Variants in PCDHGA2 observed in about 807,000 individuals in gnomAD.
PCDHGA2 encodes the protein protocadherin gamma subfamily A, 2, also known as protocadherin gamma-A2.
PCDHGA2 carries 40 observed loss-of-function variants against 59.2 expected under a neutral mutation model. That is an observed-to-expected ratio of 0.68 (90% CI 0.52 to 0.88). The LOEUF is 0.88. PCDHGA2 is among the 40% of genes least tolerant of loss of function. The pLI is 0.00. For synonymous variants in PCDHGA2, 560 were observed against 526.0 expected, an observed-to-expected ratio of 1.06 and a Z score of -0.89; for missense variants, 1,226 against 1,204.0, an observed-to-expected ratio of 1.02 and a Z score of -0.27.
chr5:141,451,443 C>A (rs1184838490), intron 1 of PCDHGA2, among the ~76,000 whole-genome samples: 1 of 152,176 alleles, frequency 6.6e-6, no homozygotes, highest in Non-Finnish European at 1.5e-5. Context: ...CAGTTCCTTG[C>A]TGGTTGTTAG....
chr5:141,394,001 G>A (rs766773377), intron 1 of PCDHGA2: 4 of 1,613,340 alleles, frequency 2.5e-6, no homozygotes, highest in Admixed American at 1.7e-5. Context: ...AATTAGAAAA[G>A]TCAATAGGTA....
intron 1 of PCDHGA2, chr5:141,428,255 G>A (rs2097128504): frequency 1.1e-6 from 1 of 875,462 alleles, no homozygotes; most frequent in Non-Finnish European, 1.8e-6. Context: ...CCAGACTTCA[G>A]TGACAGTCCT....
intron 1 of PCDHGA2, among the ~76,000 whole-genome samples, chr5:141,484,306 C>T (rs1009067603): frequency 6.6e-6 from 1 of 152,184 alleles, no homozygotes; most frequent in African/African-American, 2.4e-5. Context: ...GCTTCCTCCA[C>T]CCCGCTTCCA....
intron 1 of PCDHGA2, chr5:141,364,483 C>T: frequency 1.9e-6 from 3 of 1,614,024 alleles, no homozygotes; most frequent in Non-Finnish European, 2.5e-6. Context: ...TAGCCAAGGA[C>T]CTTGGGCTGG....
At chr5:141,372,559 C>T in intron 1 of PCDHGA2, 1 of 1,614,048 alleles carries the variant, frequency 6.2e-7, no homozygotes, top group Non-Finnish European at 8.5e-7. Context: ...TCCAGACCCG[C>T]CACTGAGGGC....
At chr5:141,388,628 G>C (rs752578230) in intron 1 of PCDHGA2, 1 of 1,613,780 alleles carries the variant, frequency 6.2e-7, no homozygotes, top group African/African-American at 1.3e-5. Context: ...ACGTATACAG[G>C]GTGAGCCTTT....
At chr5:141,389,577 C>A in intron 1 of PCDHGA2, 1 of 1,613,244 alleles carries the variant, frequency 6.2e-7, no homozygotes. Context: ...GTACCCCGCG[C>A]TGGGTCCCGA....
chr5:141,398,051 C>G, intron 1 of PCDHGA2: 3 of 1,512,220 alleles, frequency 2.0e-6, no homozygotes, highest in Non-Finnish European at 2.7e-6. Context: ...GTTCGGAGAT[C>G]CAAAAATCTA....
Position 141,360,946 on chromosome 5 carries a change from G to A in PCDHGA2, c.2424+19551G>A, listed in dbSNP as rs371775713. ...TCAAGTGACAGCCACCGACCGGGAT[G>A]AAGGCATAAACGCAGAGATCACCTA... On this transcript the variant is annotated intron_variant, in intron 1 of 3. Coordinates refer to ENST00000394576, the MANE Select transcript of PCDHGA2 (RefSeq NM_018915.4). The A allele has an allele frequency of 1.4e-5, 22 of 1,613,850 alleles. No individual in the cohort carries two copies. In the African/African-American group the frequency reaches 2.4e-4, roughly 18 times the overall value.
chr5:141,501,419 C>A (rs910783867), intron 2 of PCDHGA2, among the ~76,000 whole-genome samples: 1 of 151,920 alleles, frequency 6.6e-6, no homozygotes, highest in Non-Finnish European at 1.5e-5. Flanking sequence ...AAATAGTTGA[C>A]TAAATGTAGT....
Position 141,375,597 on chromosome 5 carries a change from T to A in PCDHGA2, c.2424+34202T>A, listed in dbSNP as rs752006849. ...CAGGGGGCGCCCCTGTCCTCCTACG[T>A]GTCCATCAACTCCGACACTGGGATT... On this transcript the variant is annotated intron_variant, in intron 1 of 3. Transcript: ENST00000394576. The A allele has an allele frequency of 1.4e-5, 22 of 1,614,042 alleles. No homozygotes were observed. In the Middle Eastern group the frequency reaches 4.9e-4, roughly 36 times the overall value.
chr5:141,422,678 A>G, intron 1 of PCDHGA2: 1 of 1,606,250 alleles, frequency 6.2e-7, no homozygotes, highest in Non-Finnish European at 8.5e-7. Flanking sequence ...GACAGCAAAC[A>G]GAATGCCCTG....
intron 1 of PCDHGA2, among the ~76,000 whole-genome samples, chr5:141,386,959 G>A (rs1339408726): frequency 6.6e-6 from 1 of 152,220 alleles, no homozygotes; most frequent in Non-Finnish European, 1.5e-5. Flanking sequence ...CAGTGCAGCA[G>A]ATCTCAGTGA....
chr5:141,360,398 A>T, intron 1 of PCDHGA2: 1 of 1,613,926 alleles, frequency 6.2e-7, no homozygotes, highest in Non-Finnish European at 8.5e-7. Context: ...CTTGTGAGTG[A>T]CAGAATAGAC....
rs760722908 is a variant in PCDHGA2 at position 141,362,262 on chromosome 5, G to A, written c.2424+20867G>A. On this transcript the variant is annotated intron_variant, in intron 1 of 3. Coordinates refer to ENST00000394576, the MANE Select transcript of PCDHGA2 (RefSeq NM_018915.4). ...TGCTCTTCTTCCTCGCGGTGATTCT[G>A]GCAATCTCCCTGCGCCTGCGACTCT... 5.0e-6 allele frequency: 8 copies of A among 1,613,888 alleles called. No homozygotes were observed. In the Admixed American group the frequency reaches 5.0e-5, roughly 10 times the overall value.
intron 1 of PCDHGA2, chr5:141,400,092 G>A (rs2093959231): frequency 6.2e-7 from 1 of 1,613,942 alleles, no homozygotes; most frequent in South Asian, 1.1e-5. Context: ...CCACCGCCAC[G>A]CTGCACTTGG....
intron 1 of PCDHGA2, chr5:141,364,117 G>A: frequency 2.2e-6 from 1 of 453,996 alleles, no homozygotes; most frequent in Non-Finnish European, 3.8e-6. Flanking sequence ...TTAGGACTCT[G>A]AGTGTCGCTG....
intron 1 of PCDHGA2, among the ~76,000 whole-genome samples, chr5:141,466,035 C>T (rs10054619): frequency 0.28 from 42,092 of 151,762 alleles, 6,545 homozygotes; most frequent in African/African-American, 0.42. Flanking sequence ...GGCAGGAGAA[C>T]GGCATGAACC....
intron 1 of PCDHGA2, chr5:141,410,578 T>G: frequency 1.9e-6 from 3 of 1,610,984 alleles, no homozygotes; most frequent in Non-Finnish European, 2.5e-6. Context: ...TTCCACCTCA[T>G]GGTGGGGAGG....
Sources: allele counts gnomAD v4.1 joint callset (sites outside exome capture counted in the v4.1 genomes callset), GRCh38; gene constraint gnomAD v4.1.1; transcripts MANE v1.5; gene names NCBI Gene and HGNC (gene_info 2026-07-23, HGNC 2026-07-21).